CFAP20DC: variants seen among roughly 807,000 people sequenced by gnomAD.
CFAP20DC encodes CFAP20 domain containing, also known as protein CFAP20DC.
A neutral mutation model predicts 101.7 loss-of-function variants in CFAP20DC; 84 were observed. The observed-to-expected ratio is 0.83, with a 90% CI of 0.69 to 0.99. The LOEUF is 0.99. CFAP20DC is among the 50% of genes least tolerant of loss of function. The pLI, the probability that CFAP20DC is intolerant of heterozygous loss-of-function variation, is 0.00. For synonymous variants in CFAP20DC, 359 were observed against 351.2 expected (o/e 1.02, Z -0.25); for missense variants, 1,007 against 970.3 (o/e 1.04, Z -0.50).
intron 4 of CFAP20DC, among the ~76,000 whole-genome samples, chr3:58,966,189 C>A (rs1037466953): frequency 6.6e-6 from 1 of 152,176 alleles, no homozygotes; most frequent in Non-Finnish European, 1.5e-5. Flanking sequence ...GCATCCCTTA[C>A]AGCTTTCTCC....
intron 4 of CFAP20DC, among the ~76,000 whole-genome samples, chr3:58,988,092 C>T (rs1417214736): frequency 6.6e-6 from 1 of 151,716 alleles, no homozygotes; most frequent in Non-Finnish European, 1.5e-5. Flanking sequence ...ATAAAAATAC[C>T]ATATTTGATG....
chr3:58,757,359 C>T (rs1470900511), intron 15 of CFAP20DC, among the ~76,000 whole-genome samples: 3 of 151,218 alleles, frequency 2.0e-5, no homozygotes, highest in Admixed American at 2.0e-4. Context: ...GTATGTAATA[C>T]ACATGTGTAC....
chr3:59,018,449 T>G (rs932698975), intron 4 of CFAP20DC: 1 of 152,102 alleles, frequency 6.6e-6, no homozygotes, highest in South Asian at 2.1e-4. Context: ...GAGACCACCT[T>G]AACCAAGTGA....
intron 4 of CFAP20DC, among the ~76,000 whole-genome samples, chr3:58,997,810 G>A (rs1000743855): frequency 2.0e-5 from 3 of 152,182 alleles, no homozygotes; most frequent in Non-Finnish European, 4.4e-5. Context: ...ATGAGATACA[G>A]GAAGAGGGAC....
At position 58,913,516 on chromosome 3, in the gene CFAP20DC, T is replaced by G. The variant is rs1374108227; in HGVS notation, c.550+192A>C. On this transcript the variant is annotated intron_variant, in intron 6 of 16. Coordinates refer to ENST00000482387, the MANE Select transcript of CFAP20DC (RefSeq NM_001394063.1). This position sits in a 1 kb window ranked among gnomAD's most constrained non-coding sequence, Gnocchi z 4.4. ...AACCACAAAAAGAAGATTAATACCT[T>G]TTTTGTGACATTCAGCTATAGTAAA... The G allele has an allele frequency of 1.6e-6, 1 of 624,678 alleles. No individual in the cohort carries two copies. The highest frequency in any genetic ancestry group is 2.9e-5 in the Admixed American group (1 of 34,350). The allele number at this position is 624,678 out of a possible 1,614,324, so 38.7% of individuals were successfully genotyped here.
chr3:58,926,122 T>C (rs1015554759), intron 5 of CFAP20DC, among the ~76,000 whole-genome samples: 1 of 151,988 alleles, frequency 6.6e-6, no homozygotes, highest in Non-Finnish European at 1.5e-5. Flanking sequence ...TCCCAGCACT[T>C]TGGGAGGCTG....
chr3:58,717,640 G>A lies in CFAP20DC; in HGVS notation c.198-12C>T. 2.2e-6 allele frequency: 1 copy of A among 446,438 alleles called. No homozygotes were observed. Among genetic ancestry groups the A allele is most frequent in the South Asian group, 1.6e-5 (1 of 61,566 alleles). 27.7% of individuals were successfully genotyped at this position (446,438 alleles called of 1,614,324 possible). A position where few individuals can be genotyped will look rare whatever the true frequency, so the allele number is the denominator to read the frequency against. Reference sequence around the variant, plus strand: ...TCCAGACATTTCTTCTGCATTTCAGGTAGGAGAAGAGAGAAGAAAAAAAAA... The same window carrying A: ...TCCAGACATTTCTTCTGCATTTCAGATAGGAGAAGAGAGAAGAAAAAAAAA... On this transcript the variant is annotated splice_polypyrimidine_tract_variant and intron_variant, in intron 3 of 3. Transcript: ENST00000486145. This position sits in a 1 kb window ranked among gnomAD's most constrained non-coding sequence, Gnocchi z 4.1.
chr3:59,010,704 A>T (rs73078068), intron 4 of CFAP20DC, among the ~76,000 whole-genome samples: 11,563 of 152,238 alleles, frequency 0.076, 604 homozygotes, highest in Non-Finnish European at 0.12. Flanking sequence ...CTCTAGAACA[A>T]ATGGATTTCA....
At chr3:58,903,239 T>G (rs1340988283) in intron 6 of CFAP20DC, among the ~76,000 whole-genome samples, 1 of 152,186 alleles carries the variant, frequency 6.6e-6, no homozygotes, top group African/African-American at 2.4e-5. Context: ...TGCAAGGTCA[T>G]GAAGATTTAC....
intron 12 of CFAP20DC, chr3:58,862,564 C>A (rs1291311810): frequency 2.0e-6 from 2 of 985,368 alleles, no homozygotes; most frequent in Non-Finnish European, 2.4e-6. Context: ...GTTGAAAAAA[C>A]CCAGAATTAC....
At chr3:58,823,240 G>C (rs961426798) in intron 14 of CFAP20DC, among the ~76,000 whole-genome samples, 1 of 152,044 alleles carries the variant, frequency 6.6e-6, no homozygotes, top group Non-Finnish European at 1.5e-5. Flanking sequence ...CAGGGTGGGT[G>C]AGAAAAAGAT....
rs779151426 is a variant in CFAP20DC at position 58,870,309 on chromosome 3, T to C, written c.716A>G (p.Asp239Gly). ...ACTTGTTCCTCTGTTAATGAACTGA[T>C]CTGTTTTGTTAAAGGAAGGTAATAA... ...GGHPLRSAES[D>G]QFINRGTSIT... The change falls in exon 8 of 17, where the codon GAT becomes GGT. Residue 239 changes from aspartate (D) to glycine (G), a missense_variant and splice_region_variant. Physicochemically the swap from Asp to Gly is moderately conservative, Grantham distance 94. Transcript: ENST00000482387. 3 of 1,613,492 alleles carry C rather than the reference T, an allele frequency of 1.9e-6. No homozygotes were observed.
chr3:59,049,548 T>A lies in CFAP20DC; in HGVS notation c.21+63A>T. On this transcript the variant is annotated intron_variant, in intron 1 of 16. Transcript: ENST00000482387. ...AGGGTGCACTTTATCCTCACCCCGA[T>A]CACGGACTACCTCACCCAAGAGGAG... is the stretch of plus-strand genomic sequence containing the variant. 4 of 1,453,430 alleles carry A rather than the reference T, an allele frequency of 2.8e-6. No individual in the cohort carries two copies. The Admixed American group carries it at 7.9e-5, about 29-fold the overall frequency. 90.0% of individuals were successfully genotyped at this position (1,453,430 alleles called of 1,614,324 possible).
chr3:58,773,695 G>C (rs1559570771), intron 15 of CFAP20DC, among the ~76,000 whole-genome samples: 1 of 152,112 alleles, frequency 6.6e-6, no homozygotes, highest in Non-Finnish European at 1.5e-5. Flanking sequence ...TAATGCTATA[G>C]ATATGACTAA....
At chr3:58,771,014 A>G (rs2070791880) in intron 15 of CFAP20DC, among the ~76,000 whole-genome samples, 1 of 152,094 alleles carries the variant, frequency 6.6e-6, no homozygotes. Flanking sequence ...ATGTCCAACA[A>G]TGATAGACTG....
intron 4 of CFAP20DC, among the ~76,000 whole-genome samples, chr3:58,948,462 A>G (rs2089652504): frequency 1.3e-5 from 2 of 152,206 alleles, no homozygotes; most frequent in South Asian, 4.1e-4. Flanking sequence ...CCATGACTAT[A>G]GTCCACTTTA....
intron 4 of CFAP20DC, among the ~76,000 whole-genome samples, chr3:58,948,263 G>A (rs1463748098): frequency 6.6e-6 from 1 of 152,150 alleles, no homozygotes. Context: ...ACTTCCCTTG[G>A]AAAGCCCCTT....
chr3:58,831,658 A>G (rs1332207922), intron 14 of CFAP20DC, 28 bp downstream of exon 14: 1 of 1,603,476 alleles, frequency 6.2e-7, no homozygotes, highest in East Asian at 2.2e-5. Flanking sequence ...TTAAGCAATG[A>G]GAGGAAGCTG....
rs925578771 is a variant in CFAP20DC at position 58,914,073 on chromosome 3, C to T, written c.394-209G>A. 2.6e-5 allele frequency among the ~76,000 whole-genome samples: 4 copies of T among 152,182 alleles called. No individual in the cohort carries two copies. The highest frequency in any genetic ancestry group is 4.4e-5 in the Non-Finnish European group (3 of 68,028). ...GAAATCACCATAATTCTAAATTACA[C>T]ATTGGTCATCTGACTACAGAATTCC... On this transcript the variant is annotated intron_variant, in intron 5 of 16. Coordinates refer to ENST00000482387, the MANE Select transcript of CFAP20DC (RefSeq NM_001394063.1). This position sits in a 1 kb window ranked among gnomAD's most constrained non-coding sequence, Gnocchi z 4.9.
Sources: gnomAD v4.1 joint callset for allele counts (sites outside exome capture counted in the v4.1 genomes callset) on GRCh38, gnomAD v4.1.1 for gene constraint, Gnocchi (gnomAD v3.1) non-coding constraint, MANE v1.5 for transcripts, NCBI Gene and HGNC (gene_info 2026-07-23, HGNC 2026-07-21) for gene names.